The following MCTP1 variants were observed in gnomAD, a reference collection of about 807,000 sequenced individuals.
The protein encoded by MCTP1 is multiple C2 and transmembrane domain-containing protein 1.
A neutral mutation model predicts 120.6 loss-of-function variants in MCTP1; 69 were observed. The observed-to-expected ratio is 0.57, with a 90% confidence interval of 0.47 to 0.70. The LOEUF (loss-of-function observed/expected upper bound fraction) is 0.70. Ranked by LOEUF, MCTP1 falls within the 30% of genes least tolerant of loss-of-function variation. The pLI, the probability that MCTP1 is intolerant of heterozygous loss-of-function variation, is 0.00. For synonymous variants in MCTP1, 529 were observed against 493.1 expected (o/e 1.07, Z -0.96); for missense variants, 1,203 against 1,248.8 (o/e 0.96, Z 0.55).
intron 19 of MCTP1, among the ~76,000 whole-genome samples, chr5:94,729,150 C>T (rs1366367417): frequency 6.6e-6 from 1 of 152,142 alleles, no homozygotes; most frequent in Admixed American, 6.5e-5. Context: ...GTCAGGAAAA[C>T]AGAAACTACT....
At chr5:95,149,100 G>T (rs1367207396) in intron 1 of MCTP1, among the ~76,000 whole-genome samples, 1 of 152,140 alleles carries the variant, frequency 6.6e-6, no homozygotes, top group Non-Finnish European at 1.5e-5. Context: ...GAGAGAGATG[G>T]CCCCCTCACC....
chr5:95,072,891 G>A (rs28718656), intron 1 of MCTP1, among the ~76,000 whole-genome samples: 3,196 of 151,990 alleles, frequency 0.021, 101 homozygotes, highest in African/African-American at 0.07. Flanking sequence ...GACTACAGGT[G>A]CCGGCCACCA....
intron 1 of MCTP1, among the ~76,000 whole-genome samples, chr5:95,161,316 T>C (rs1745715486): frequency 6.6e-6 from 1 of 152,064 alleles, no homozygotes; most frequent in Non-Finnish European, 1.5e-5. Context: ...CTCGAGGACA[T>C]TATGTTAAGT....
chr5:94,972,457 C>T (rs149337302), intron 2 of MCTP1, among the ~76,000 whole-genome samples: 45 of 152,136 alleles, frequency 3.0e-4, no homozygotes, highest in Non-Finnish European at 5.9e-4. Flanking sequence ...CTCCAAGCAA[C>T]AGGTGTGGCC....
At chr5:94,923,700 A>T (rs918684418) in intron 7 of MCTP1, among the ~76,000 whole-genome samples, 9 of 152,222 alleles carry the variant, frequency 5.9e-5, no homozygotes, top group African/African-American at 1.9e-4. Flanking sequence ...CTGGGACTCT[A>T]GCTTCTCAGA....
In MCTP1 at chr5:95,142,167, A is replaced by C. The variant is rs574654642; in HGVS notation, c.721-124683T>G. On this transcript the variant is annotated intron_variant, in intron 1 of 22. Coordinates refer to ENST00000515393, the MANE Select transcript of MCTP1 (RefSeq NM_024717.7). Reference sequence around the variant, plus strand: ...TTCTAATGCAGGTCTCATGAAGGCTATATGTAAAGTTAACTTCAATTATTA... The same window carrying C: ...TTCTAATGCAGGTCTCATGAAGGCTCTATGTAAAGTTAACTTCAATTATTA... Among the ~76,000 whole-genome samples the C allele has an allele frequency of 3.3e-5, 5 of 152,356 alleles. No homozygotes were observed. In the South Asian group the frequency reaches 1.0e-3, roughly 32 times the overall value.
intron 1 of MCTP1, among the ~76,000 whole-genome samples, chr5:95,160,948 G>A (rs1383501481): frequency 6.6e-6 from 1 of 152,166 alleles, no homozygotes; most frequent in East Asian, 1.9e-4. Flanking sequence ...GATAGCAAGT[G>A]TTAGTAAGGG....
intron 1 of MCTP1, among the ~76,000 whole-genome samples, chr5:95,197,870 C>T (rs774337184): frequency 7.9e-5 from 12 of 152,104 alleles, no homozygotes; most frequent in South Asian, 2.1e-4. Flanking sequence ...GTAGTATTTA[C>T]ATATAATCCG....
intron 6 of MCTP1, 71 bp downstream of exon 6, chr5:94,931,882 G>T: frequency 8.9e-7 from 1 of 1,118,620 alleles, no homozygotes; most frequent in Non-Finnish European, 1.3e-6. Flanking sequence ...GAAGAGATGA[G>T]AGAGATCTGG....
chr5:94,728,370 G>A (rs1762508457), intron 19 of MCTP1, among the ~76,000 whole-genome samples: 2 of 152,278 alleles, frequency 1.3e-5, no homozygotes, highest in African/African-American at 2.4e-5. Context: ...TCCACCAAAC[G>A]AGAAATTAGC....
intron 17 of MCTP1, among the ~76,000 whole-genome samples, chr5:94,862,818 A>G (rs1020318591): frequency 6.6e-6 from 1 of 151,790 alleles, no homozygotes; most frequent in African/African-American, 2.4e-5. Context: ...TTGGGCGAAA[A>G]TGTATATTTT....
At chr5:94,788,135 CTTGT>C (rs1778141998) in intron 18 of MCTP1, among the ~76,000 whole-genome samples, 1 of 152,168 alleles carries the variant, frequency 6.6e-6, no homozygotes, top group Non-Finnish European at 1.5e-5. Context: ...CTGACTTTCT[CTTGT>C]TTAAGCAACG....
chr5:95,044,564 G>T (rs1842856523), intron 1 of MCTP1, among the ~76,000 whole-genome samples: 1 of 152,028 alleles, frequency 6.6e-6, no homozygotes, highest in Non-Finnish European at 1.5e-5. Flanking sequence ...TTTCTACTTG[G>T]ATGTCTCAGA....
At chr5:94,745,659 C>A (rs1766720598) in intron 19 of MCTP1, among the ~76,000 whole-genome samples, 1 of 152,148 alleles carries the variant, frequency 6.6e-6, no homozygotes, top group Non-Finnish European at 1.5e-5. Context: ...TAACACTGAG[C>A]CTGACACATA....
chr5:94,785,930 GCA>G (rs1195214790), intron 18 of MCTP1, among the ~76,000 whole-genome samples: 1 of 152,014 alleles, frequency 6.6e-6, no homozygotes, highest in Non-Finnish European at 1.5e-5. Flanking sequence ...TCAGGTAAAT[GCA>G]CAGTTTAGCA....
intron 17 of MCTP1, among the ~76,000 whole-genome samples, chr5:94,840,139 G>C (rs1409287284): frequency 6.6e-6 from 1 of 152,022 alleles, no homozygotes; most frequent in African/African-American, 2.4e-5. Context: ...ACTGGGCTGG[G>C]TTCAAAGTGA....
At position 95,284,558 on chromosome 5, in the gene MCTP1, G is replaced by C; in HGVS notation, c.18C>G (p.Ala6=). 6.9e-7 allele frequency: 1 copy of C among 1,439,962 alleles called. No homozygotes were observed. The highest frequency in any genetic ancestry group is 2.8e-5 in the East Asian group (1 of 35,118). The allele number at this position is 1,439,962 out of a possible 1,614,324, so 89.2% of individuals were successfully genotyped here. A position where few individuals can be genotyped will look rare whatever the true frequency, so the allele number is the denominator to read the frequency against. The change falls in exon 1 of 23, where the codon GCC becomes GCG. Residue 6 remains alanine, a synonymous_variant. Coordinates refer to ENST00000515393, the MANE Select transcript of MCTP1 (RefSeq NM_024717.7). This position sits in a 1 kb window ranked among gnomAD's most constrained non-coding sequence, Gnocchi z 5.2. MEPRA[A]AAGEPEPPAA... ...CCGGCGGCTCTGGCTCGCCCGCCGC[G>C]GCAGCCCGGGGCTCCATCCTCCACC...
Position 94,954,125 on chromosome 5 carries a change from AATATATATATGCATATATATAC to A in MCTP1, c.839-786_839-765del, listed in dbSNP as rs1481783085. On this transcript the variant is annotated intron_variant, in intron 2 of 22. Coordinates refer to ENST00000515393, the MANE Select transcript of MCTP1 (RefSeq NM_024717.7). ...ATACATATATATGAATATATATACA[AATATATATATGCATATATATAC>A]ATATATATATGCATATATATACATA... 6.9e-5 allele frequency among the ~76,000 whole-genome samples: 5 copies of A among 72,970 alleles called. 1 individual carries two copies. Among genetic ancestry groups the A allele is most frequent in the African/African-American group, 2.7e-4 (4 of 14,552 alleles). 47.9% of individuals were successfully genotyped at this position (72,970 alleles called of 152,430 possible).
chr5:94,972,852 A>G (rs775364151), intron 2 of MCTP1, among the ~76,000 whole-genome samples: 3 of 151,900 alleles, frequency 2.0e-5, no homozygotes, highest in Non-Finnish European at 4.4e-5. Context: ...TGGGGGATGA[A>G]CCAGCTTTTC....
Sources: gnomAD v4.1 joint callset for allele counts (sites outside exome capture counted in the v4.1 genomes callset) on GRCh38, gnomAD v4.1.1 for gene constraint, Gnocchi (gnomAD v3.1) non-coding constraint, MANE v1.5 for transcripts, NCBI Gene and HGNC (gene_info 2026-07-23, HGNC 2026-07-21) for gene names.